MCM5: variants seen among roughly 807,000 people sequenced by gnomAD.
MCM5 encodes the protein minichromosome maintenance complex component 5.
In MCM5, 46 loss-of-function variants were observed where a neutral mutation model predicts 79.9. That is an observed-to-expected ratio of 0.58 (90% confidence interval 0.45 to 0.74). The LOEUF is 0.74. Ranked by LOEUF, MCM5 falls within the 30% of genes least tolerant of loss-of-function variation. The pLI, the probability that MCM5 is intolerant of heterozygous loss-of-function variation, is 0.00. For missense variants in MCM5, 883 were observed against 1,017.0 expected (o/e 0.87, Z 1.79); for synonymous variants, 404 against 390.5 (o/e 1.03, Z -0.41).
At chr22:35,438,802 TCCATCCATCCATCC>T in the MCM5 span, among the ~76,000 whole-genome samples, 7 of 147,050 alleles carry the variant, frequency 4.8e-5, no homozygotes, top group South Asian at 4.4e-4. Context: ...CATCCATCCA[TCCATCCATCCATCC>T]GTCCATCCAC....
chr22:35,439,178 C>T, the MCM5 span, among the ~76,000 whole-genome samples: 2 of 148,242 alleles, frequency 1.3e-5, no homozygotes, highest in Non-Finnish European at 3.0e-5. Context: ...CATCCACTCA[C>T]CCGCCCATCC....
chr22:35,415,674 A>G (rs1400418015), intron 9 of MCM5, among the ~76,000 whole-genome samples, 155 bp from the exon 10 acceptor site: 2 of 152,210 alleles, frequency 1.3e-5, no homozygotes, highest in African/African-American at 4.8e-5. Context: ...CCAGAGGGAG[A>G]CGCACTGAGT....
At chr22:35,446,375 G>T in the MCM5 span, among the ~76,000 whole-genome samples, 1 of 152,104 alleles carries the variant, frequency 6.6e-6, no homozygotes, top group East Asian at 1.9e-4. Context: ...AAGTGTCCAG[G>T]TGTAAATGAA....
the MCM5 span, among the ~76,000 whole-genome samples, chr22:35,445,672 G>C: frequency 6.6e-6 from 1 of 151,998 alleles, no homozygotes; most frequent in Non-Finnish European, 1.5e-5. Flanking sequence ...ACCATGCCTG[G>C]CTAATTTTTT....
the MCM5 span, among the ~76,000 whole-genome samples, chr22:35,447,828 G>A: frequency 7.9e-4 from 121 of 152,296 alleles, no homozygotes; most frequent in African/African-American, 2.6e-3. Context: ...GGCAAGGAGC[G>A]GGGCTGGGAG....
intron 9 of MCM5, among the ~76,000 whole-genome samples, 154 bp from the exon 10 acceptor site, chr22:35,415,675 C>T (rs376848940): frequency 1.4e-4 from 21 of 152,218 alleles, no homozygotes; most frequent in African/African-American, 3.1e-4. Context: ...CAGAGGGAGA[C>T]GCACTGAGTT....
chr22:35,440,219 TA>T, the MCM5 span, among the ~76,000 whole-genome samples: 1 of 152,088 alleles, frequency 6.6e-6, no homozygotes, highest in Non-Finnish European at 1.5e-5. Flanking sequence ...GTGAAAAAAA[TA>T]ATGAGAAACA....
intron 7 of MCM5, 51 bp from the exon 8 acceptor site, chr22:35,412,459 G>A: frequency 4.2e-6 from 6 of 1,413,786 alleles, no homozygotes; most frequent in Non-Finnish European, 5.6e-6. Flanking sequence ...ATGGGCAGTG[G>A]GCTGGAAGAG....
chr22:35,448,306 G>A, the MCM5 span, among the ~76,000 whole-genome samples: 2 of 152,266 alleles, frequency 1.3e-5, no homozygotes, highest in African/African-American at 2.4e-5. Context: ...CTATGTCTTC[G>A]TCTCTGCTCA....
At chr22:35,416,468 C>T in intron 11 of MCM5, 64 bp downstream of exon 11, 1 of 1,556,822 alleles carries the variant, frequency 6.4e-7, no homozygotes, top group Non-Finnish European at 8.8e-7. Flanking sequence ...CGTCCTCAGG[C>T]TGCCCTGATT....
chr22:35,413,800 C>T (rs1171378748), intron 8 of MCM5, 75 bp from the exon 9 acceptor site: 1 of 869,588 alleles, frequency 1.1e-6, no homozygotes, highest in East Asian at 2.4e-5. Flanking sequence ...TGCCAGCCCA[C>T]CAATCTGGTG....
chr22:35,410,474 G>T, intron 6 of MCM5: 1 of 425,866 alleles, frequency 2.3e-6, no homozygotes. Context: ...ATGAGTTAGC[G>T]AGTTCAGCGA....
intron 7 of MCM5, among the ~76,000 whole-genome samples, chr22:35,411,944 C>T (rs752672617): frequency 6.6e-6 from 1 of 152,184 alleles, no homozygotes; most frequent in Non-Finnish European, 1.5e-5. Flanking sequence ...TTCACCCTTT[C>T]AGTTGCTCAG....
At chr22:35,404,490 C>T (rs894338589) in intron 4 of MCM5, among the ~76,000 whole-genome samples, 6 of 152,134 alleles carry the variant, frequency 3.9e-5, no homozygotes, top group Admixed American at 1.3e-4. Flanking sequence ...CCTTCCCCCC[C>T]GTGATTTTTG....
intron 4 of MCM5, among the ~76,000 whole-genome samples, chr22:35,405,471 A>C (rs1487379978): frequency 6.6e-6 from 1 of 151,870 alleles, no homozygotes; most frequent in African/African-American, 2.4e-5. Flanking sequence ...GGTTCAAGCA[A>C]TTCTCCGGCC....
chr22:35,452,035 G>GA, the MCM5 span, among the ~76,000 whole-genome samples: 1 of 152,164 alleles, frequency 6.6e-6, no homozygotes, highest in Non-Finnish European at 1.5e-5. Flanking sequence ...CTCAGCCCCT[G>GA]GCTTCTGCCC....
At chr22:35,448,760 A>C in the MCM5 span, among the ~76,000 whole-genome samples, 1 of 152,210 alleles carries the variant, frequency 6.6e-6, no homozygotes, top group Non-Finnish European at 1.5e-5. Flanking sequence ...AACACGCATT[A>C]TTCTCACTCT....
chr22:35,444,910 T>G, the MCM5 span, among the ~76,000 whole-genome samples: 1 of 152,174 alleles, frequency 6.6e-6, no homozygotes, highest in African/African-American at 2.4e-5. Context: ...CCCCTCTCCT[T>G]CTTCCTCTCT....
At chr22:35,433,518 T>A in the MCM5 span, among the ~76,000 whole-genome samples, 1 of 152,222 alleles carries the variant, frequency 6.6e-6, no homozygotes, top group Non-Finnish European at 1.5e-5. Flanking sequence ...TAACCCAGGT[T>A]GCCTTTGGGG....
Sources: gnomAD v4.1 joint callset for allele counts (sites outside exome capture counted in the v4.1 genomes callset) on GRCh38, gnomAD v4.1.1 for gene constraint, MANE v1.5 for transcripts, NCBI Gene and HGNC (gene_info 2026-07-23, HGNC 2026-07-21) for gene names.